The following NFIA variants were observed in gnomAD, a reference collection of about 807,000 sequenced individuals.
NFIA encodes nuclear factor I A.
Under a neutral mutation model 62.8 loss-of-function variants are expected in NFIA, and 8 were observed. That is an observed-to-expected ratio of 0.13 (90% confidence interval 0.07 to 0.23). The LOEUF (loss-of-function observed/expected upper bound fraction) is 0.23. NFIA is among the 10% of genes least tolerant of loss of function. NFIA has a pLI of 1.00. For synonymous variants in NFIA, 235 were observed against 238.1 expected (o/e 0.99, Z 0.12); for missense variants, 410 against 642.1 (o/e 0.64, Z 3.91).
intron 2 of NFIA, among the ~76,000 whole-genome samples, chr1:61,112,832 A>G (rs78346032): frequency 1.9e-4 from 29 of 152,268 alleles, no homozygotes; most frequent in African/African-American, 6.7e-4. Context: ...ATATGCATTG[A>G]TTATTATTGT....
chr1:61,218,408 C>G (rs1209201899), intron 2 of NFIA, among the ~76,000 whole-genome samples: 2 of 152,126 alleles, frequency 1.3e-5, no homozygotes, highest in Non-Finnish European at 2.9e-5. Context: ...GGGATTCGTT[C>G]CCAGACATTC....
intron 10 of NFIA, among the ~76,000 whole-genome samples, chr1:61,446,330 G>A (rs1426727020): frequency 1.3e-5 from 2 of 152,202 alleles, no homozygotes; most frequent in Admixed American, 1.3e-4. Context: ...AGGGGTTGTG[G>A]TTTGCAGCTC....
chr1:61,085,667 C>T (rs373363784), intron 1 of NFIA, among the ~76,000 whole-genome samples: 2 of 151,914 alleles, frequency 1.3e-5, no homozygotes, highest in South Asian at 2.1e-4. Context: ...TAAATCATGA[C>T]TTGAGAAAGA....
intron 3 of NFIA, among the ~76,000 whole-genome samples, chr1:61,281,413 A>G (rs901983278): frequency 6.6e-6 from 1 of 152,184 alleles, no homozygotes; most frequent in African/African-American, 2.4e-5. Context: ...GAGTACGTAT[A>G]TTCAAGAGGT....
intron 2 of NFIA, among the ~76,000 whole-genome samples, chr1:61,117,100 G>A (rs1570189153): frequency 1.3e-5 from 2 of 152,200 alleles, no homozygotes; most frequent in South Asian, 4.1e-4. Context: ...GAATATAGCA[G>A]AATTAGTTTA....
Position 61,088,241 on chromosome 1 carries a change from C to T in NFIA, c.120C>T (p.Tyr40=). 6.2e-7 allele frequency: 1 copy of T among 1,613,548 alleles called. No homozygotes were observed. The highest frequency in any genetic ancestry group is 8.5e-7 in the Non-Finnish European group (1 of 1,179,904). The part of the protein sequence containing the change: ...WFNLQARKRK[Y]FKKHEKRMSK... ...ACCTGCAGGCCCGAAAACGAAAATA[C>T]TTCAAAAAACATGAAAAGCGTATGT... Residue 40 remains tyrosine, a synonymous_variant, in exon 2 of 11, where the codon TAC becomes TAT. Coordinates refer to ENST00000403491, the MANE Select transcript of NFIA (RefSeq NM_001134673.4). The surrounding 1 kb of genome is among the most constrained non-coding windows in gnomAD (Gnocchi z 4.5).
At chr1:61,205,615 AT>A (rs1345614712) in intron 2 of NFIA, among the ~76,000 whole-genome samples, 1 of 152,160 alleles carries the variant, frequency 6.6e-6, no homozygotes, top group African/African-American at 2.4e-5. Context: ...TAACTTCCAC[AT>A]CCTTAGTGTT....
At chr1:61,338,734 G>A (rs1661747629) in intron 4 of NFIA, among the ~76,000 whole-genome samples, 1 of 152,136 alleles carries the variant, frequency 6.6e-6, no homozygotes, top group African/African-American at 2.4e-5. Flanking sequence ...TGAGGAAATG[G>A]GTGTAGGATA....
chr1:61,309,529 A>AT (rs1659982590), intron 3 of NFIA, among the ~76,000 whole-genome samples: 1 of 152,028 alleles, frequency 6.6e-6, no homozygotes, highest in African/African-American at 2.4e-5. Flanking sequence ...AGGCTTATGT[A>AT]TATAAAGACA....
chr1:61,336,162 T>C (rs997063294), intron 4 of NFIA, among the ~76,000 whole-genome samples: 2 of 152,204 alleles, frequency 1.3e-5, no homozygotes, highest in Non-Finnish European at 1.5e-5. Context: ...AATTGCATTA[T>C]AGAACTAAAT....
chr1:61,210,350 T>A (rs767417942), intron 2 of NFIA, among the ~76,000 whole-genome samples: 23 of 152,254 alleles, frequency 1.5e-4, no homozygotes, highest in Middle Eastern at 3.4e-3. Context: ...TCAGAAAAAT[T>A]AAAAAAACAC....
chr1:61,406,542 T>TTGGGGGGGGGGGGGGGGGGGGGGGGGGG lies in NFIA; in HGVS notation c.1255-20_1255-19insTGGGGGGGGGGGGGGGGGGGGGGGGGGG. Reference sequence around the variant, plus strand: ...TTCTTTTTCTTGTACGTGTGTTTTCTGCCCCCCCCCCCCCCACAGCCCAAT... The same window carrying TTGGGGGGGGGGGGGGGGGGGGGGGGGGG: ...TTCTTTTTCTTGTACGTGTGTTTTCTTGGGGGGGGGGGGGGGGGGGGGGGGGGGGCCCCCCCCCCCCCCACAGCCCAAT... On this transcript the variant is annotated intron_variant, in intron 8 of 10. Transcript: ENST00000403491. 8.0e-7 allele frequency: 1 copy of TTGGGGGGGGGGGGGGGGGGGGGGGGGGG among 1,253,830 alleles called. No individual in the cohort carries two copies. The highest frequency in any genetic ancestry group is 1.1e-6 in the Non-Finnish European group (1 of 931,744). The allele number at this position is 1,253,830 out of a possible 1,614,324, so 77.7% of individuals were successfully genotyped here. A position where few individuals can be genotyped will look rare whatever the true frequency, so the allele number is the denominator to read the frequency against.
chr1:61,226,373 T>C (rs142474994), intron 2 of NFIA, among the ~76,000 whole-genome samples: 37 of 152,342 alleles, frequency 2.4e-4, no homozygotes, highest in African/African-American at 8.4e-4. Context: ...AATATTCCTT[T>C]ACAAAATGTA....
chr1:61,440,469 G>A (rs1176907553), intron 10 of NFIA, among the ~76,000 whole-genome samples: 1 of 152,224 alleles, frequency 6.6e-6, no homozygotes, highest in East Asian at 1.9e-4. Context: ...TCCTTTTGAA[G>A]AAAGAAGTTG....
chr1:61,456,506 A>T lies in NFIA; in HGVS notation c.*1186A>T, dbSNP rs1354199121. 1.3e-5 allele frequency: 2 copies of T among 152,258 alleles called. No homozygotes were observed. Among genetic ancestry groups the T allele is most frequent in the Non-Finnish European group, 2.9e-5 (2 of 67,960 alleles). The allele number at this position is 152,258 out of a possible 1,614,324, so 9.4% of individuals were successfully genotyped here. ...TGAAATCATGGTATCTGTTAATTTT[A>T]TAAGCTAGAAGTCACTATAATGGAT... On this transcript the variant is annotated 3_prime_UTR_variant, in exon 11 of 11. Transcript: ENST00000403491.
chr1:61,273,626 C>A (rs1657642522), intron 2 of NFIA, among the ~76,000 whole-genome samples: 1 of 152,140 alleles, frequency 6.6e-6, no homozygotes, highest in Non-Finnish European at 1.5e-5. Flanking sequence ...TTATTGAACT[C>A]CTTGGCTGGG....
chr1:61,443,511 G>A (rs1190143778), intron 10 of NFIA, among the ~76,000 whole-genome samples: 2 of 152,140 alleles, frequency 1.3e-5, no homozygotes, highest in African/African-American at 4.8e-5. Context: ...CGCATCACAT[G>A]TCACTCTGCA....
chr1:61,281,237 C>CAAAAA (rs113416259), intron 3 of NFIA, among the ~76,000 whole-genome samples: 1 of 132,966 alleles, frequency 7.5e-6, no homozygotes, highest in East Asian at 2.2e-4. Flanking sequence ...GACTCCATCT[C>CAAAAA]AAAAAAAAAA....
chr1:61,225,898 C>T (rs1435899216), intron 2 of NFIA, among the ~76,000 whole-genome samples: 1 of 152,050 alleles, frequency 6.6e-6, no homozygotes, highest in Non-Finnish European at 1.5e-5. Context: ...GAAGATTTAA[C>T]ATAGTTTATT....
Sources: allele counts gnomAD v4.1 joint callset (sites outside exome capture counted in the v4.1 genomes callset), GRCh38; gene constraint gnomAD v4.1.1; non-coding constraint Gnocchi (gnomAD v3.1); transcripts MANE v1.5; gene names NCBI Gene and HGNC (gene_info 2026-07-23, HGNC 2026-07-21).